EVA1C: variants seen among roughly 807,000 people sequenced by gnomAD.
The protein encoded by EVA1C is eva-1 homolog C, also known as protein eva-1 homolog C.
EVA1C carries 25 observed loss-of-function variants against 45.4 expected under a neutral mutation model. The ratio of observed to expected loss-of-function variants is 0.55; its 90% CI spans 0.40 to 0.77. EVA1C has a LOEUF of 0.77. Ranked by LOEUF, EVA1C falls within the 30% of genes least tolerant of loss-of-function variation. EVA1C has a pLI of 0.00. For synonymous variants in EVA1C, 190 were observed against 221.2 expected (o/e 0.86, Z 1.25); for missense variants, 479 against 554.8 (o/e 0.86, Z 1.37).
chr21:32,454,390 C>T (rs1408502595), intron 2 of EVA1C, among the ~76,000 whole-genome samples: 1 of 152,052 alleles, frequency 6.6e-6, no homozygotes, highest in Non-Finnish European at 1.5e-5. Context: ...TACATAGTAC[C>T]AGGAATTGGG....
At chr21:32,459,103 G>A (rs1459988199) in intron 3 of EVA1C, among the ~76,000 whole-genome samples, 1 of 151,952 alleles carries the variant, frequency 6.6e-6, no homozygotes, top group African/African-American at 2.4e-5. Flanking sequence ...CATAACAGAC[G>A]CTCCTCACAC....
intron 4 of EVA1C, among the ~76,000 whole-genome samples, chr21:32,480,808 C>T (rs924352701): frequency 6.6e-6 from 1 of 151,946 alleles, no homozygotes; most frequent in African/African-American, 2.4e-5. Flanking sequence ...ACTAAAAATA[C>T]AAAAATTAGC....
chr21:32,427,072 G>A (rs1232560150), intron 1 of EVA1C, among the ~76,000 whole-genome samples: 19 of 152,120 alleles, frequency 1.2e-4, no homozygotes, highest in Admixed American at 1.1e-3. Flanking sequence ...GCTGTCCAAC[G>A]GGAGGGCATT....
chr21:32,427,732 C>T (rs1456461620), intron 1 of EVA1C, among the ~76,000 whole-genome samples: 1 of 151,294 alleles, frequency 6.6e-6, no homozygotes, highest in African/African-American at 2.4e-5. Flanking sequence ...AAAAAATAGG[C>T]AGAGGCCAGG....
chr21:32,472,719 G>A (rs2036423072), intron 4 of EVA1C, among the ~76,000 whole-genome samples: 1 of 152,194 alleles, frequency 6.6e-6, no homozygotes, highest in African/African-American at 2.4e-5. Context: ...CATGGAGAGT[G>A]GAGGAATTCT....
At chr21:32,493,828 C>A (rs1328143138) in intron 4 of EVA1C, 2 of 151,266 alleles carry the variant, frequency 1.3e-5, no homozygotes, top group African/African-American at 4.9e-5. Flanking sequence ...GAGACGCAGT[C>A]TTGCTTGGTC....
chr21:32,515,278 A>G lies in EVA1C; in HGVS notation c.*88A>G, dbSNP rs2038102291. The G allele has an allele frequency of 5.8e-6, 8 of 1,385,714 alleles. No homozygotes were observed. Among genetic ancestry groups the G allele is most frequent in the Non-Finnish European group, 7.8e-6 (8 of 1,023,374 alleles). The allele number at this position is 1,385,714 out of a possible 1,614,324, so 85.8% of individuals were successfully genotyped here. The stretch of plus-strand genomic sequence containing the variant: ...CAGTTCTGGTTCACCTGTACCTTCT[A>G]TGAAGGAGAATTCGTCATGTCATTC... On this transcript the variant is annotated 3_prime_UTR_variant, in exon 8 of 8. Transcript: ENST00000300255.
chr21:32,473,040 G>T (rs2036432645), intron 4 of EVA1C, among the ~76,000 whole-genome samples: 1 of 152,234 alleles, frequency 6.6e-6, no homozygotes, highest in East Asian at 1.9e-4. Context: ...GGGCCCTGAG[G>T]GTGCCCTGTT....
intron 1 of EVA1C, among the ~76,000 whole-genome samples, chr21:32,426,756 A>G (rs144318813): frequency 3.7e-4 from 56 of 152,250 alleles, no homozygotes; most frequent in African/African-American, 1.3e-3. Flanking sequence ...AGCAGCTTCC[A>G]CTTTCTGAGC....
intron 5 of EVA1C, among the ~76,000 whole-genome samples, chr21:32,500,190 ATTTT>A (rs538897939): frequency 7.7e-5 from 7 of 91,098 alleles, no homozygotes; most frequent in Admixed American, 1.5e-4. Context: ...TAACCACCCT[ATTTT>A]TTTTTTTTTT....
intron 6 of EVA1C, among the ~76,000 whole-genome samples, chr21:32,502,827 G>C (rs571516703): frequency 2.6e-5 from 4 of 151,988 alleles, no homozygotes; most frequent in Admixed American, 2.0e-4. Flanking sequence ...ACAGGGCTTT[G>C]CCATGTTGCC....
At chr21:32,451,199 A>G (rs1331298960) in intron 1 of EVA1C, among the ~76,000 whole-genome samples, 1 of 152,152 alleles carries the variant, frequency 6.6e-6, no homozygotes, top group Non-Finnish European at 1.5e-5. Flanking sequence ...CTAAACAGGA[A>G]TACTTTACAC....
Position 32,451,917 on chromosome 21 carries a change from C to A in EVA1C, c.161-1395C>A, listed in dbSNP as rs576930714. ...GTCACATTCTGGGGTTCCTGATGAA[C>A]GTGAATTTGAGGGGACATCATTCAA... On this transcript the variant is annotated intron_variant, in intron 1 of 7. Transcript: ENST00000300255. 2.0e-5 allele frequency among the ~76,000 whole-genome samples: 3 copies of A among 152,300 alleles called. No homozygotes were observed. The South Asian group carries it at 6.2e-4, about 32-fold the overall frequency.
chr21:32,438,874 T>A (rs192105947), intron 1 of EVA1C, among the ~76,000 whole-genome samples: 1 of 152,158 alleles, frequency 6.6e-6, no homozygotes, highest in East Asian at 1.9e-4. Context: ...CAGAGACAGA[T>A]GAATGTAATC....
intron 7 of EVA1C, among the ~76,000 whole-genome samples, chr21:32,513,087 G>A (rs1166977217): frequency 6.7e-6 from 1 of 148,746 alleles, no homozygotes; most frequent in East Asian, 2.0e-4. Context: ...TTGTAATATA[G>A]TTGTTACTAT....
Position 32,421,437 on chromosome 21 carries a change from T to C in EVA1C, c.160+8424T>C, listed in dbSNP as rs149425611. 2.6e-5 allele frequency among the ~76,000 whole-genome samples: 4 copies of C among 152,332 alleles called. No individual in the cohort carries two copies. The East Asian group carries it at 7.7e-4, about 29-fold the overall frequency. On this transcript the variant is annotated intron_variant, in intron 1 of 7. Coordinates refer to ENST00000300255, the MANE Select transcript of EVA1C (RefSeq NM_058187.5). ...AGAAAGATGACAAGGAAACTTGTCA[T>C]AGCCTAGGTTCAGGATTGGAGAAAA...
intron 7 of EVA1C, among the ~76,000 whole-genome samples, chr21:32,513,175 T>TTTTA (rs1467025069): frequency 6.7e-6 from 1 of 148,472 alleles, no homozygotes; most frequent in Non-Finnish European, 1.5e-5. Flanking sequence ...TATTATTTTA[T>TTTTA]TTTATTTATT....
rs1480642791 is a variant in EVA1C, at chr21:32,474,356, C to T, written c.634+6508C>T. ...CCCTCACTACCTCTGGAGCACTCCA[C>T]CTTTATTCATACCCCTGGGCCTTTG... On this transcript the variant is annotated intron_variant, in intron 4 of 7. Coordinates refer to ENST00000300255, the MANE Select transcript of EVA1C (RefSeq NM_058187.5). The surrounding 1 kb of genome is among the most constrained non-coding windows in gnomAD (Gnocchi z 4.4). Among the ~76,000 whole-genome samples the T allele has an allele frequency of 6.6e-6, 1 of 152,240 alleles. No individual in the cohort carries two copies. Among genetic ancestry groups the T allele is most frequent in the African/African-American group, 2.4e-5 (1 of 41,462 alleles).
chr21:32,481,706 G>T (rs938652859), intron 4 of EVA1C, among the ~76,000 whole-genome samples: 1 of 152,096 alleles, frequency 6.6e-6, no homozygotes, highest in Non-Finnish European at 1.5e-5. Flanking sequence ...TTTAAAGAAA[G>T]ATCATTCGAT....
Sources: allele counts gnomAD v4.1 joint callset (sites outside exome capture counted in the v4.1 genomes callset), GRCh38; gene constraint gnomAD v4.1.1; non-coding constraint Gnocchi (gnomAD v3.1); transcripts MANE v1.5; gene names NCBI Gene and HGNC (gene_info 2026-07-23, HGNC 2026-07-21).